ROR2: variants seen among roughly 807,000 people sequenced by gnomAD.
ROR2 encodes ROR family WNT receptor 2.
A neutral mutation model predicts 74.9 loss-of-function variants in ROR2; 33 were observed. The observed-to-expected ratio is 0.44, with a 90% CI of 0.33 to 0.59. ROR2 has a LOEUF of 0.59. Ranked by LOEUF, ROR2 falls within the 20% of genes least tolerant of loss-of-function variation. The probability of loss-of-function intolerance (pLI) is 0.02; values close to 1 mark genes in which losing one functional copy is unlikely to be tolerated. For missense variants in ROR2, 1,216 were observed against 1,313.8 expected, an observed-to-expected ratio of 0.93 and a Z score of 1.15; for synonymous variants, 586 against 558.7, an observed-to-expected ratio of 1.05 and a Z score of -0.69.
intron 1 of ROR2, among the ~76,000 whole-genome samples, chr9:91,851,836 T>C (rs1318483735): frequency 6.6e-6 from 1 of 151,956 alleles, no homozygotes; most frequent in Non-Finnish European, 1.5e-5. Flanking sequence ...ATTAGCCGGA[T>C]GTGGTAGTGC....
chr9:91,723,980 G>A lies in ROR2; in HGVS notation c.2514C>T (p.Tyr838=). ...PAYGAYLPNF[Y]PVQIPMQMAP... is the part of the protein sequence containing the mutation. ...CCATCTGCATTGGGATCTGCACCGG[G>A]TAGAAGTTGGGCAGGTAGGCCCCAT... Residue 838 remains tyrosine, a synonymous_variant, in exon 9 of 9, where the codon TAC becomes TAT. Transcript: ENST00000375708. 6.2e-7 allele frequency: 1 copy of A among 1,613,034 alleles called. No individual in the cohort carries two copies. The highest frequency in any genetic ancestry group is 1.1e-5 in the South Asian group (1 of 91,082).
intron 1 of ROR2, among the ~76,000 whole-genome samples, chr9:91,843,544 C>T (rs1003446088): frequency 2.0e-5 from 3 of 152,236 alleles, no homozygotes; most frequent in Non-Finnish European, 4.4e-5. Flanking sequence ...CTTCAATTCT[C>T]TGCTTTGTAA....
At chr9:91,796,619 GC>G (rs983499040) in intron 1 of ROR2, among the ~76,000 whole-genome samples, 5 of 151,726 alleles carry the variant, frequency 3.3e-5, no homozygotes, top group African/African-American at 1.2e-4. Context: ...GGACGCTGAC[GC>G]CCTGGGCTCA....
chr9:91,736,610 G>A (rs889120033), intron 5 of ROR2, among the ~76,000 whole-genome samples: 8 of 152,214 alleles, frequency 5.3e-5, no homozygotes, highest in Non-Finnish European at 1.0e-4. Flanking sequence ...ATGTGTTTGT[G>A]GAGAGAGTAG....
chr9:91,828,317 T>C (rs1226393447), intron 1 of ROR2, among the ~76,000 whole-genome samples: 1 of 152,248 alleles, frequency 6.6e-6, no homozygotes, highest in Non-Finnish European at 1.5e-5. Flanking sequence ...TTCTGATTAT[T>C]GATGATACAT....
At chr9:91,759,607 A>G (rs931595502) in intron 2 of ROR2, among the ~76,000 whole-genome samples, 2 of 152,194 alleles carry the variant, frequency 1.3e-5, no homozygotes, top group Admixed American at 1.3e-4. Context: ...TGTTGAATGC[A>G]GTATCTAATC....
chr9:91,910,448 A>C (rs1277862412), intron 1 of ROR2, among the ~76,000 whole-genome samples: 2 of 152,004 alleles, frequency 1.3e-5, no homozygotes, highest in East Asian at 3.8e-4. Context: ...CATCAAAAAC[A>C]TAGGCAACAG....
At chr9:91,788,701 C>T (rs1022777520) in intron 1 of ROR2, among the ~76,000 whole-genome samples, 12 of 151,988 alleles carry the variant, frequency 7.9e-5, no homozygotes, top group African/African-American at 2.9e-4. Context: ...CCCCTCTCTA[C>T]TAAAAATACA....
chr9:91,844,338 A>G (rs1483162921), intron 1 of ROR2, among the ~76,000 whole-genome samples: 2 of 151,970 alleles, frequency 1.3e-5, no homozygotes, highest in African/African-American at 2.4e-5. Flanking sequence ...GGCACACAAG[A>G]TGGGCTCTCG....
Position 91,760,498 on chromosome 9 carries a change from G to A in ROR2, c.176-2939C>T, listed in dbSNP as rs150056020. 2.3e-3 allele frequency among the ~76,000 whole-genome samples: 344 copies of A among 152,204 alleles called. 7 individuals carry two copies. Among genetic ancestry groups the A allele is most frequent in the Admixed American group, 0.011 (167 of 15,300 alleles). ...AATAAAAAAAAATTAGCCAGGCGAG[G>A]TGGCGGGCGCCTGTACTCCTTGCTA... On this transcript the variant is annotated intron_variant, in intron 2 of 8. Coordinates refer to ENST00000375708, the MANE Select transcript of ROR2 (RefSeq NM_004560.4).
chr9:91,874,871 G>A (rs1307556203), intron 1 of ROR2, among the ~76,000 whole-genome samples: 1 of 151,722 alleles, frequency 6.6e-6, no homozygotes, highest in Non-Finnish European at 1.5e-5. Context: ...AGAGGTGGAG[G>A]TTGCAGTGAG....
At chr9:91,792,462 C>T (rs925190266) in intron 1 of ROR2, among the ~76,000 whole-genome samples, 2 of 152,188 alleles carry the variant, frequency 1.3e-5, no homozygotes, top group Non-Finnish European at 2.9e-5. Flanking sequence ...GCGCCCGCCA[C>T]CACGCCCAGC....
intron 1 of ROR2, among the ~76,000 whole-genome samples, chr9:91,822,326 C>T (rs1224897899): frequency 2.6e-5 from 4 of 152,212 alleles, no homozygotes; most frequent in Non-Finnish European, 2.9e-5. Flanking sequence ...AACAGTTCAT[C>T]TTCACTCTGG....
intron 1 of ROR2, among the ~76,000 whole-genome samples, chr9:91,790,409 C>T (rs1826932983): frequency 6.6e-6 from 1 of 151,436 alleles, no homozygotes; most frequent in Non-Finnish European, 1.5e-5. Context: ...ACTCGGGAGG[C>T]TGAGGCAGAA....
chr9:91,744,573 G>A (rs776642441), intron 4 of ROR2, among the ~76,000 whole-genome samples: 2 of 152,042 alleles, frequency 1.3e-5, no homozygotes, highest in South Asian at 2.1e-4. Flanking sequence ...AGAATTAGAC[G>A]CTGTATATTA....
intron 4 of ROR2, among the ~76,000 whole-genome samples, chr9:91,755,555 G>A (rs571183899): frequency 2.6e-5 from 4 of 152,244 alleles, no homozygotes; most frequent in Non-Finnish European, 4.4e-5. Context: ...AGAGGCCTGA[G>A]TTCAAAGCCA....
chr9:91,802,881 A>G (rs1171056171), intron 1 of ROR2, among the ~76,000 whole-genome samples: 4 of 152,214 alleles, frequency 2.6e-5, no homozygotes, highest in African/African-American at 9.7e-5. Context: ...ATGGGCAACA[A>G]ACTTCAGCAG....
At chr9:91,854,330 A>C (rs1358560182) in intron 1 of ROR2, among the ~76,000 whole-genome samples, 1 of 152,154 alleles carries the variant, frequency 6.6e-6, no homozygotes, top group Non-Finnish European at 1.5e-5. Flanking sequence ...AGCCTGCAGG[A>C]GGTGGTGAGG....
intron 1 of ROR2, among the ~76,000 whole-genome samples, chr9:91,909,838 GT>G (rs1278227036): frequency 4.3e-4 from 27 of 63,214 alleles, no homozygotes; most frequent in Non-Finnish European, 5.7e-4. Context: ...TTTTTTTTAG[GT>G]TTGTTTTGTT....
Sources: gnomAD v4.1 joint callset for allele counts (sites outside exome capture counted in the v4.1 genomes callset) on GRCh38, gnomAD v4.1.1 for gene constraint, MANE v1.5 for transcripts, NCBI Gene and HGNC (gene_info 2026-07-23, HGNC 2026-07-21) for gene names.